The following NCKAP5L variants were observed in gnomAD, a reference collection of about 807,000 sequenced individuals.
NCKAP5L encodes NCK associated protein 5 like, also known as nck-associated protein 5-like.
Under a neutral mutation model 103.2 loss-of-function variants are expected in NCKAP5L, and 54 were observed. The ratio of observed to expected loss-of-function variants is 0.52; its 90% CI spans 0.42 to 0.66. NCKAP5L has a LOEUF of 0.66. Ranked by LOEUF, NCKAP5L falls within the 30% of genes least tolerant of loss-of-function variation. The pLI is 0.00. For missense variants in NCKAP5L, 1,733 were observed against 1,750.6 expected (o/e 0.99, Z 0.18); for synonymous variants, 762 against 748.6 (o/e 1.02, Z -0.29).
Position 49,796,606 on chromosome 12 carries a change from G to T in NCKAP5L, c.1254C>A (p.Gly418=), listed in dbSNP as rs1369415232. The change falls in exon 8 of 13, where the codon GGC becomes GGA. Residue 418 remains glycine, a synonymous_variant. Transcript: ENST00000335999. ...MFMGAGDAPL[G]SRPGHPHSSS... ...AGGAATGGGGGTGGCCAGGCCGAGA[G>T]CCCAGTGGGGCATCCCCAGCACCCA... 1 of 1,600,994 alleles carries T rather than the reference G, an allele frequency of 6.2e-7. No individual in the cohort carries two copies. The highest frequency in any genetic ancestry group is 1.1e-5 in the South Asian group (1 of 89,630).
chr12:49,819,967 T>C (rs998872301), intron 1 of NCKAP5L, among the ~76,000 whole-genome samples: 5 of 152,228 alleles, frequency 3.3e-5, no homozygotes, highest in Admixed American at 3.3e-4. Flanking sequence ...GGAACCAGAA[T>C]GACTCAGTGC....
chr12:49,793,646 T>G (rs1945977392), intron 9 of NCKAP5L, 88 bp downstream of exon 9: 3 of 1,439,406 alleles, frequency 2.1e-6, no homozygotes, highest in African/African-American at 2.9e-5. Flanking sequence ...ACTCATGGTC[T>G]TGGGGAAGGG....
In NCKAP5L at chr12:49,798,562, G is replaced by A. The variant is rs1005288278; in HGVS notation, c.352-99C>T. ...TTCCCCTCTGAGTCCGCTCCTTCAC[G>A]GAGGACTCCCAGACTCCCAGCCCCA... On this transcript the variant is annotated intron_variant, in intron 6 of 12. Coordinates refer to ENST00000335999, the MANE Select transcript of NCKAP5L (RefSeq NM_001037806.4). 86 of 1,002,088 alleles carry A rather than the reference G, an allele frequency of 8.6e-5. No individual in the cohort carries two copies. In the African/African-American group the frequency reaches 1.3e-3, roughly 15 times the overall value. 62.1% of individuals were successfully genotyped at this position (1,002,088 alleles called of 1,614,324 possible).
chr12:49,820,529 A>G (rs1946350007), intron 1 of NCKAP5L, among the ~76,000 whole-genome samples: 1 of 151,924 alleles, frequency 6.6e-6, no homozygotes, highest in African/African-American at 2.4e-5. Context: ...GTTAGCCAGG[A>G]TGGTCTCGAT....
rs760511570 is a variant in NCKAP5L, at chr12:49,797,159, T to A, written c.701A>T (p.Gln234Leu). ...PINGELCGPP[Q>L]PEPSPWAPCL... is the part of the protein sequence containing the mutation. ...GGGCGCCCAGGGTGAGGGTTCAGGCTGAGGCGGGCCACACAGCTCGCCGTT... is the reference window on the plus strand; with the variant it reads ...GGGCGCCCAGGGTGAGGGTTCAGGCAGAGGCGGGCCACACAGCTCGCCGTT... Residue 234 changes from glutamine (Q) to leucine (L), a missense_variant, in exon 8 of 13, where the codon CAG (glutamine) becomes CTG (leucine). Coordinates refer to ENST00000335999, the MANE Select transcript of NCKAP5L (RefSeq NM_001037806.4). This position sits in a 1 kb window ranked among gnomAD's most constrained non-coding sequence, Gnocchi z 4.5. The A allele has an allele frequency of 5.0e-6, 8 of 1,610,472 alleles. No homozygotes were observed. The South Asian group carries it at 8.8e-5, about 18-fold the overall frequency.
chr12:49,791,739 C>A lies in NCKAP5L; in HGVS notation c.*100G>T. 9.3e-7 allele frequency: 1 copy of A among 1,071,458 alleles called. No individual in the cohort carries two copies. The highest frequency in any genetic ancestry group is 1.3e-6 in the Non-Finnish European group (1 of 764,882). The allele number at this position is 1,071,458 out of a possible 1,614,324, so 66.4% of individuals were successfully genotyped here. ...TTCTTATCCACCTGCCTCCTTGGTC[C>A]CTTCAGGGAGGGGTCCCCGTCTCCG... On this transcript the variant is annotated 3_prime_UTR_variant, in exon 13 of 13. Coordinates refer to ENST00000335999, the MANE Select transcript of NCKAP5L (RefSeq NM_001037806.4).
chr12:49,803,575 C>T (rs189052678), intron 3 of NCKAP5L, among the ~76,000 whole-genome samples: 1 of 152,234 alleles, frequency 6.6e-6, no homozygotes, highest in African/African-American at 2.4e-5. Context: ...AACTCCTGAG[C>T]CATGGGCCAT....
chr12:49,815,123 T>A (rs1946283145), intron 1 of NCKAP5L, among the ~76,000 whole-genome samples: 1 of 152,256 alleles, frequency 6.6e-6, no homozygotes, highest in African/African-American at 2.4e-5. Context: ...TTAATTGGTT[T>A]CTCCATTATA....
intron 1 of NCKAP5L, among the ~76,000 whole-genome samples, chr12:49,811,899 C>T (rs902354165): frequency 4.6e-5 from 7 of 152,136 alleles, no homozygotes; most frequent in African/African-American, 1.7e-4. Context: ...ATCCCAAAAC[C>T]ATCTTCTCAT....
intron 6 of NCKAP5L, among the ~76,000 whole-genome samples, chr12:49,800,063 C>T (rs761190681): frequency 6.6e-6 from 1 of 152,174 alleles, no homozygotes; most frequent in Non-Finnish European, 1.5e-5. Flanking sequence ...GACATGGTGG[C>T]GCATGCCTAT....
At chr12:49,819,129 G>A (rs1025757136) in intron 1 of NCKAP5L, among the ~76,000 whole-genome samples, 3 of 151,326 alleles carry the variant, frequency 2.0e-5, no homozygotes, top group Non-Finnish European at 4.4e-5. Context: ...TCAGGAGATC[G>A]AGACCATTCC....
In NCKAP5L at chr12:49,791,735, G is replaced by C. The variant is rs1592744191; in HGVS notation, c.*104C>G. On this transcript the variant is annotated 3_prime_UTR_variant, in exon 13 of 13. Coordinates refer to ENST00000335999, the MANE Select transcript of NCKAP5L (RefSeq NM_001037806.4). ...CACCTTCTTATCCACCTGCCTCCTT[G>C]GTCCCTTCAGGGAGGGGTCCCCGTC... 5 of 988,344 alleles carry C rather than the reference G, an allele frequency of 5.1e-6. No homozygotes were observed. Among genetic ancestry groups the C allele is most frequent in the Non-Finnish European group, 7.2e-6 (5 of 690,164 alleles). 61.2% of individuals were successfully genotyped at this position (988,344 alleles called of 1,614,324 possible).
rs1165297911 is a variant in NCKAP5L, at chr12:49,792,114, C to G, written c.3793-63G>C. ...CCACCTTTCGGCCCAGCCTCAGAGG[C>G]ACTGAGCTCTGAGGGGCGTCTGTGC... is the stretch of plus-strand genomic sequence containing the variant. On this transcript the variant is annotated intron_variant, in intron 12 of 12. Coordinates refer to ENST00000335999, the MANE Select transcript of NCKAP5L (RefSeq NM_001037806.4). This position sits in a 1 kb window ranked among gnomAD's most constrained non-coding sequence, Gnocchi z 4.5. The G allele has an allele frequency of 2.9e-6, 4 of 1,388,686 alleles. No homozygotes were observed. The East Asian group carries it at 9.8e-5, about 34-fold the overall frequency. 86.0% of individuals were successfully genotyped at this position (1,388,686 alleles called of 1,614,324 possible). A position where few individuals can be genotyped will look rare whatever the true frequency, so the allele number is the denominator to read the frequency against.
Position 49,795,082 on chromosome 12 carries a change from G to A in NCKAP5L, c.2778C>T (p.Ser926=). The change falls in exon 8 of 13, where the codon AGC becomes AGT. Residue 926 remains serine, a synonymous_variant. Coordinates refer to ENST00000335999, the MANE Select transcript of NCKAP5L (RefSeq NM_001037806.4). ...SIASWFGLKK[S]KLPALNRRTE... ...TGCGGCGGTTCAGCGCTGGCAGCTT[G>A]CTCTTCTTAAGGCCGAACCAGCTGG... 6.2e-7 allele frequency: 1 copy of A among 1,612,674 alleles called. No homozygotes were observed. Among genetic ancestry groups the A allele is most frequent in the African/African-American group, 1.3e-5 (1 of 75,050 alleles).
At chr12:49,801,808 G>A (rs1297344947) in intron 6 of NCKAP5L, 40 bp downstream of exon 6, 3 of 1,609,732 alleles carry the variant, frequency 1.9e-6, no homozygotes, top group South Asian at 1.1e-5. Context: ...GAGGAGGCAG[G>A]AGGCAGTGCG....
In NCKAP5L at chr12:49,795,665, C is replaced by T. The variant is rs773868845; in HGVS notation, c.2195G>A (p.Gly732Asp). 3.1e-6 allele frequency: 5 copies of T among 1,612,180 alleles called. No individual in the cohort carries two copies. The highest frequency in any genetic ancestry group is 4.2e-6 in the Non-Finnish European group (5 of 1,179,138). The change falls in exon 8 of 13, where the codon GGC becomes GAC. Residue 732 changes from glycine (G) to aspartate (D), a missense_variant. Gly to Asp is a moderately conservative substitution (Grantham distance 94). Transcript: ENST00000335999. ...TTCCTGCTGCTTCAGGCTGTTTGTG[C>T]CCAAGGCCACTGCCCCCCGTATCCC... Reference protein sequence around the residue: ...KGGIRGAVALGTNSLKQQEPG... With the variant: ...KGGIRGAVALDTNSLKQQEPG...
At chr12:49,816,798 T>TAA (rs34850509) in intron 1 of NCKAP5L, among the ~76,000 whole-genome samples, 2,753 of 138,164 alleles carry the variant, frequency 0.02, 97 homozygotes, top group African/African-American at 0.068. Context: ...GTCTGTCTCA[T>TAA]AAAAAAAAAA....
rs1565587316 is a variant in NCKAP5L, at chr12:49,796,397, CAG to C, written c.1461_1462del (p.Cys488SerfsTer69). The C allele has an allele frequency of 4.4e-6, 7 of 1,579,524 alleles. No homozygotes were observed. Among genetic ancestry groups the C allele is most frequent in the East Asian group, 2.3e-5 (1 of 44,434 alleles). On this transcript the variant is annotated frameshift_variant, in exon 8 of 13. Transcript: ENST00000335999. LOFTEE classifies it high-confidence loss of function. ...GCTGCCGTCTGAGCCACTGTTCCGA[CAG>C]GGGATTCGCGAGTTCCGGGGGAGCT...
At position 49,797,035 on chromosome 12, in the gene NCKAP5L, AC is replaced by A; in HGVS notation, c.824del (p.Gly275ValfsTer52). 6.4e-7 allele frequency: 1 copy of A among 1,574,740 alleles called. No homozygotes were observed. The highest frequency in any genetic ancestry group is 8.6e-7 in the Non-Finnish European group (1 of 1,160,896). ...GGGCCTGAGGAGGTCCCCTGCTAGG[AC>A]CCCAGGGCCGCCCAGTGTCCTCTTC... ...GGEEDTGRPW[G>X]PSRGPPQAQG... On this transcript the variant is annotated frameshift_variant, in exon 8 of 13. Transcript: ENST00000335999. LOFTEE classifies it high-confidence loss of function. The surrounding 1 kb of genome is among the most constrained non-coding windows in gnomAD (Gnocchi z 4.5).
Sources: gnomAD v4.1 joint callset for allele counts (sites outside exome capture counted in the v4.1 genomes callset) on GRCh38, gnomAD v4.1.1 for gene constraint, Gnocchi (gnomAD v3.1) non-coding constraint, MANE v1.5 for transcripts, NCBI Gene and HGNC (gene_info 2026-07-23, HGNC 2026-07-21) for gene names.